Variants in SYNE2 observed in about 807,000 individuals in gnomAD.
SYNE2 encodes the protein nesprin-2.
SYNE2 carries 431 observed loss-of-function variants against 856.3 expected under a neutral mutation model. The observed-to-expected ratio is 0.50, with a 90% confidence interval of 0.47 to 0.55. The LOEUF (loss-of-function observed/expected upper bound fraction) is 0.55, where lower values mean the gene tolerates loss of function less well. SYNE2 is among the 20% of genes least tolerant of loss of function. The pLI is 0.00. For missense variants in SYNE2, 8,129 were observed against 8,023.2 expected (o/e 1.01, Z -0.50); for synonymous variants, 2,923 against 2,872.3 (o/e 1.02, Z -0.56).
At chr14:64,026,447 A>G (rs1358115228) in intron 41 of SYNE2, 132 bp from the exon 42 acceptor site, 4 of 729,712 alleles carry the variant, frequency 5.5e-6, no homozygotes, top group Non-Finnish European at 9.3e-6. Flanking sequence ...GGGTACATAT[A>G]AAAATGAAAA....
intron 46 of SYNE2, chr14:64,048,472 A>C (rs746350449): frequency 4.4e-5 from 9 of 205,050 alleles, no homozygotes; most frequent in Non-Finnish European, 8.9e-5. Context: ...GATTCTGACA[A>C]ATGTATTTTT....
intron 45 of SYNE2, among the ~76,000 whole-genome samples, chr14:64,040,567 C>T (rs958743147): frequency 2.7e-5 from 4 of 148,636 alleles, no homozygotes; most frequent in Admixed American, 1.3e-4. Context: ...TATAAAGAGA[C>T]ATATCCCCTA....
intron 45 of SYNE2, among the ~76,000 whole-genome samples, chr14:64,042,972 A>G (rs998995447): frequency 3.3e-5 from 5 of 152,210 alleles, no homozygotes; most frequent in South Asian, 2.1e-4. Context: ...GGAACTTCCT[A>G]GAGACTTGTT....
intron 21 of SYNE2, among the ~76,000 whole-genome samples, 158 bp downstream of exon 21, chr14:63,991,273 G>GT (rs1382432760): frequency 2.6e-5 from 4 of 152,152 alleles, no homozygotes; most frequent in African/African-American, 9.7e-5. Flanking sequence ...GTTATTAAAC[G>GT]TAAGTATTCA....
At chr14:63,858,461 G>T (rs1293007141) in intron 1 of SYNE2, among the ~76,000 whole-genome samples, 3 of 151,264 alleles carry the variant, frequency 2.0e-5, no homozygotes, top group African/African-American at 7.3e-5. Flanking sequence ...GTGTTGCCCA[G>T]GCTGGAGTGC....
chr14:63,815,205 C>CGGATATATAT lies in SYNE2; in HGVS notation c.-304-37296_-304-37295insGGATATATAT, dbSNP rs1555341285. Among the ~76,000 whole-genome samples, 80 of 94,608 alleles carry CGGATATATAT rather than the reference C, an allele frequency of 8.5e-4. 6 individuals are homozygous for CGGATATATAT. Among genetic ancestry groups the CGGATATATAT allele is most frequent in the Admixed American group, 5.7e-3 (45 of 7,836 alleles). 62.1% of individuals were successfully genotyped at this position (94,608 alleles called of 152,430 possible). A position where few individuals can be genotyped will look rare whatever the true frequency, so the allele number is the denominator to read the frequency against. ...CCATATATATATCCATATATATATCCATATATATATCCATATATATATCCA... is the reference window on the plus strand; with the variant it reads ...CCATATATATATCCATATATATATCCGGATATATATATATATATATCCATATATATATCCA... On this transcript the variant is annotated intron_variant, in intron 1 of 23. Transcript: ENST00000674003.
At chr14:64,177,224 G>T in intron 95 of SYNE2, 134 bp from the exon 96 acceptor site, 1 of 1,106,686 alleles carries the variant, frequency 9.0e-7, no homozygotes, top group Non-Finnish European at 1.3e-6. Context: ...CTTAAGACAG[G>T]GAACTGGGTG....
chr14:63,947,486 A>G (rs2096054658), intron 6 of SYNE2, among the ~76,000 whole-genome samples: 1 of 152,206 alleles, frequency 6.6e-6, no homozygotes, highest in Admixed American at 6.5e-5. Flanking sequence ...TTATGTTGAA[A>G]CAATCAAAAT....
intron 67 of SYNE2, among the ~76,000 whole-genome samples, 164 bp from the exon 68 acceptor site, chr14:64,120,763 C>T (rs2097892296): frequency 6.6e-6 from 1 of 151,680 alleles, no homozygotes; most frequent in African/African-American, 2.4e-5. Flanking sequence ...AACTCCATCT[C>T]AAAAAACAAA....
At chr14:64,041,100 C>G (rs1253681321) in intron 45 of SYNE2, among the ~76,000 whole-genome samples, 3 of 152,064 alleles carry the variant, frequency 2.0e-5, no homozygotes, top group Non-Finnish European at 2.9e-5. Context: ...GTCAACCTAG[C>G]TGAATTATCA....
In SYNE2 at chr14:63,915,059, A is replaced by T. The variant is rs531415072; in HGVS notation, c.79+5832A>T. ...CTTCCAAAGTGCTGGGATTACTGGC[A>T]TGAGCCACTGTGCCTGGCCTATTTA... On this transcript the variant is annotated intron_variant, in intron 2 of 115. Coordinates refer to ENST00000555002, the MANE Select transcript of SYNE2 (RefSeq NM_182914.3). Among the ~76,000 whole-genome samples, 25 of 152,360 alleles carry T rather than the reference A, an allele frequency of 1.6e-4. No individual in the cohort carries two copies. The East Asian group carries it at 4.8e-3, about 29-fold the overall frequency.
chr14:64,032,879 A>G (rs951113799), intron 45 of SYNE2, among the ~76,000 whole-genome samples: 11 of 152,218 alleles, frequency 7.2e-5, no homozygotes, highest in Non-Finnish European at 4.4e-5. Flanking sequence ...TTAAATAGCA[A>G]TAGATAATCA....
rs141744554 is a variant in SYNE2 at position 64,177,402 on chromosome 14, G to T, written c.17475G>T (p.Arg5825Ser). Reference sequence around the variant, plus strand: ...AGAAAATCAAGGAGTTGAAAAGCAGGCTGCAAGTTTTAAAGGCACAAAGTG... The same window carrying T: ...AGAAAATCAAGGAGTTGAAAAGCAGTCTGCAAGTTTTAAAGGCACAAAGTG... ...CEKKIKELKS[R>S]LQVLKAQSED... Residue 5825 changes from arginine (R) to serine (S), a missense_variant, in exon 96 of 116, where the codon AGG (arginine) becomes AGT (serine). Arg to Ser is a moderately radical substitution (Grantham distance 110, BLOSUM62 -1). Transcript: ENST00000555002. 5 of 1,614,020 alleles carry T rather than the reference G, an allele frequency of 3.1e-6. No homozygotes were observed. In the African/African-American group the frequency reaches 6.7e-5, roughly 22 times the overall value.
rs775948821 is a variant in SYNE2, at chr14:64,034,460, T to C, written c.7221+3103T>C. The C allele has an allele frequency of 6.4e-6, 3 of 469,140 alleles. No homozygotes were observed. The South Asian group carries it at 1.3e-4, about 21-fold the overall frequency. 29.1% of individuals were successfully genotyped at this position (469,140 alleles called of 1,614,324 possible). A position where few individuals can be genotyped will look rare whatever the true frequency, so the allele number is the denominator to read the frequency against. ...AATTTTTAGAAAGTTTTTATTTCTT[T>C]TACTTTTTCTTTAGTAAATGTCATT... On this transcript the variant is annotated intron_variant, in intron 45 of 115. Coordinates refer to ENST00000555002, the MANE Select transcript of SYNE2 (RefSeq NM_182914.3).
rs181135083 is a variant in SYNE2, at chr14:64,030,758, C to T, written c.6880-258C>T. On this transcript the variant is annotated intron_variant, in intron 44 of 115. Transcript: ENST00000555002. Reference sequence around the variant, plus strand: ...TCTTGAACAAAACATATATATTCAACGAATATCTGTTGATTGCCTCCTGTG... The same window carrying T: ...TCTTGAACAAAACATATATATTCAATGAATATCTGTTGATTGCCTCCTGTG... 2.0e-3 allele frequency among the ~76,000 whole-genome samples: 299 copies of T among 152,250 alleles called. 1 individual carries two copies. Among genetic ancestry groups the T allele is most frequent in the Admixed American group, 7.1e-3 (109 of 15,300 alleles).
At chr14:64,190,836 G>A in intron 99 of SYNE2, 1 of 688,250 alleles carries the variant, frequency 1.5e-6, no homozygotes, top group Admixed American at 2.0e-5. Flanking sequence ...ATCAGAAATA[G>A]CGCTGATAAT....
rs146573874 is a variant in SYNE2, at chr14:64,152,613, A to C, written c.15689A>C (p.Lys5230Thr). The C allele has an allele frequency of 6.2e-7, 1 of 1,613,984 alleles. No homozygotes were observed. Among genetic ancestry groups the C allele is most frequent in the Non-Finnish European group, 8.5e-7 (1 of 1,179,980 alleles). ...AIKSKALDEL[K>T]QSYLTLESGA... is the part of the protein sequence containing the mutation. ...AAATCCAAAGCACTAGATGAGTTGA[A>C]ACAAAGTTATCTGACTTTGGAGAGT... Residue 5230 changes from lysine (K) to threonine (T), a missense_variant, in exon 85 of 116, where the codon AAA becomes ACA. Coordinates refer to ENST00000555002, the MANE Select transcript of SYNE2 (RefSeq NM_182914.3).
At chr14:64,184,331 T>G (rs574922175) in intron 96 of SYNE2, among the ~76,000 whole-genome samples, 104 of 121,666 alleles carry the variant, frequency 8.5e-4, no homozygotes, top group Non-Finnish European at 1.3e-3. Context: ...TGCATAGGGG[T>G]GTGTGTGTGT....
At chr14:64,186,016 G>C (rs927222642) in intron 96 of SYNE2, among the ~76,000 whole-genome samples, 4 of 152,042 alleles carry the variant, frequency 2.6e-5, no homozygotes, top group Non-Finnish European at 5.9e-5. Flanking sequence ...GCATTTCTTA[G>C]GGTTTTTTTA....
Sources: gnomAD v4.1 joint callset for allele counts (sites outside exome capture counted in the v4.1 genomes callset) on GRCh38, gnomAD v4.1.1 for gene constraint, MANE v1.5 for transcripts, NCBI Gene and HGNC (gene_info 2026-07-23, HGNC 2026-07-21) for gene names.